Variants in ABCA13 observed in about 807,000 individuals in gnomAD.
ABCA13 encodes ATP binding cassette subfamily A member 13, also known as ATP-binding cassette sub-family A member 13.
Under a neutral mutation model 478.7 loss-of-function variants are expected in ABCA13, and 476 were observed. That is an observed-to-expected ratio of 0.99 (90% confidence interval 0.92 to 1.07). The LOEUF (loss-of-function observed/expected upper bound fraction) is 1.07, where lower values mean the gene tolerates loss of function less well. Among genes scored for constraint, ABCA13 ranks in the 50% least tolerant of loss-of-function variants. The pLI, the probability that ABCA13 is intolerant of heterozygous loss-of-function variation, is 0.00. For synonymous variants in ABCA13, 2,252 were observed against 2,158.9 expected, an observed-to-expected ratio of 1.04 and a Z score of -1.20; for missense variants, 6,060 against 5,910.6, an observed-to-expected ratio of 1.03 and a Z score of -0.83.
At chr7:48,270,311 T>G (rs1297694896) in intron 16 of ABCA13, among the ~76,000 whole-genome samples, 1 of 152,200 alleles carries the variant, frequency 6.6e-6, no homozygotes, top group African/African-American at 2.4e-5. Flanking sequence ...AAAAGGCTGT[T>G]GTAGGAATGA....
At position 48,629,158 on chromosome 7, in the gene ABCA13, T is replaced by C. The variant is rs571509320; in HGVS notation, c.14837+13781T>C. ...TCAGTCCTAATTGCTGCCATGGCCTTGGCAATATTGTGCTGTCACCTTCTC... is the reference window on the plus strand; with the variant it reads ...TCAGTCCTAATTGCTGCCATGGCCTCGGCAATATTGTGCTGTCACCTTCTC... On this transcript the variant is annotated intron_variant, in intron 59 of 61. Coordinates refer to ENST00000435803, the MANE Select transcript of ABCA13 (RefSeq NM_152701.5). Among the ~76,000 whole-genome samples the C allele has an allele frequency of 3.3e-5, 5 of 152,314 alleles. No homozygotes were observed. In the South Asian group the frequency reaches 1.0e-3, roughly 32 times the overall value.
intron 55 of ABCA13, among the ~76,000 whole-genome samples, chr7:48,564,785 AT>A (rs1241972785): frequency 2.6e-5 from 4 of 152,124 alleles, no homozygotes; most frequent in Non-Finnish European, 5.9e-5. Context: ...TGCATTTAAA[AT>A]TTTTGAATCT....
intron 42 of ABCA13, among the ~76,000 whole-genome samples, chr7:48,438,071 G>T (rs948841896): frequency 6.6e-6 from 1 of 151,998 alleles, no homozygotes. Flanking sequence ...TCCAATCTTA[G>T]ATCTAAACTA....
At chr7:48,479,125 T>G (rs955480492) in intron 45 of ABCA13, among the ~76,000 whole-genome samples, 1 of 151,754 alleles carries the variant, frequency 6.6e-6, no homozygotes, top group African/African-American at 2.4e-5. Context: ...TTTTTTTTTG[T>G]ATTTTTAGTA....
chr7:48,455,347 A>G (rs1825548442), intron 43 of ABCA13, 61 bp downstream of exon 43: 2 of 1,521,442 alleles, frequency 1.3e-6, no homozygotes, highest in Admixed American at 2.0e-5. Flanking sequence ...GAATTGCAAT[A>G]GCTTCGATAC....
intron 46 of ABCA13, 56 bp from the exon 47 acceptor site, chr7:48,483,020 T>C (rs1219256432): frequency 6.9e-7 from 1 of 1,448,574 alleles, no homozygotes; most frequent in Non-Finnish European, 9.5e-7. Context: ...TACCCTCTGA[T>C]TAGAAGTCCT....
intron 32 of ABCA13, among the ~76,000 whole-genome samples, chr7:48,369,298 T>TATATATTA (rs1340645109): frequency 6.6e-6 from 1 of 152,100 alleles, no homozygotes; most frequent in East Asian, 1.9e-4. Context: ...AGTCATTTGC[T>TATATATTA]GGATATATAG....
chr7:48,221,546 C>G (rs1787365123), intron 5 of ABCA13, among the ~76,000 whole-genome samples: 1 of 152,192 alleles, frequency 6.6e-6, no homozygotes, highest in South Asian at 2.1e-4. Flanking sequence ...CTGAGGCCAG[C>G]AGGTGGTGGG....
Position 48,245,927 on chromosome 7 carries a change from C to T in ABCA13, c.1556C>T (p.Pro519Leu). 6.2e-7 allele frequency: 1 copy of T among 1,613,558 alleles called. No homozygotes were observed. Among genetic ancestry groups the T allele is most frequent in the African/African-American group, 1.3e-5 (1 of 74,972 alleles). Residue 519 changes from proline to leucine, a missense_variant, in exon 13 of 62, where the codon CCT becomes CTT. Physicochemically the swap from Pro to Leu is moderately conservative, Grantham distance 98 (BLOSUM62 -3). Coordinates refer to ENST00000435803, the MANE Select transcript of ABCA13 (RefSeq NM_152701.5). ...RFSEKEVFLP[P>L]GNSSIWGGLQ... ...TCTGAGAAGGAGGTCTTTTTGCCGC[C>T]TGGAAACTCCAGCATATGGGGTGGT...
chr7:48,637,392 A>AAAAAAAAAAAAAAAAAAT (rs1269692474), intron 59 of ABCA13, among the ~76,000 whole-genome samples: 3 of 147,756 alleles, frequency 2.0e-5, no homozygotes, highest in South Asian at 4.3e-4. Context: ...AAAAAAAAAA[A>AAAAAAAAAAAAAAAAAAT]AAAAAAAAAA....
rs1287717803 is a variant in ABCA13, at chr7:48,511,144, G to A, written c.13585G>A (p.Ala4529Thr). 6.2e-7 allele frequency: 1 copy of A among 1,613,486 alleles called. No homozygotes were observed. Among genetic ancestry groups the A allele is most frequent in the African/African-American group, 1.3e-5 (1 of 74,882 alleles). Residue 4529 changes from alanine (A) to threonine (T), a missense_variant, in exon 51 of 62, where the codon GCT (alanine) becomes ACT (threonine). By Grantham distance (58) the Ala-to-Thr change is moderately conservative. This residue lies in a region of ABCA13 where 1,627 missense variants were observed against 1,571.0 expected (regional missense o/e 1.04). Transcript: ENST00000435803. ...CGTTATTGTCGCCTTCCAGTTAACA[G>A]CTTTTACTTTCCGCAAGAACTTGGC... The part of the protein sequence containing the change: ...VAVIVAFQLT[A>T]FTFRKNLAAT...
At chr7:48,410,487 C>T (rs1269545521) in intron 39 of ABCA13, 33 bp from the exon 40 acceptor site, 4 of 1,613,712 alleles carry the variant, frequency 2.5e-6, no homozygotes, top group African/African-American at 2.7e-5. Flanking sequence ...CCTTTGTCCT[C>T]CTGGTGCTGA....
At chr7:48,263,825 A>G (rs1794516750) in intron 15 of ABCA13, among the ~76,000 whole-genome samples, 1 of 151,922 alleles carries the variant, frequency 6.6e-6, no homozygotes, top group Admixed American at 6.6e-5. Context: ...ATATTTTCAT[A>G]CAGGCATGCA....
chr7:48,591,072 T>C lies in ABCA13; in HGVS notation c.14641-3638T>C, dbSNP rs965394206. Among the ~76,000 whole-genome samples, 8 of 147,846 alleles carry C rather than the reference T, an allele frequency of 5.4e-5. No homozygotes were observed. In the East Asian group the frequency reaches 1.2e-3, roughly 22 times the overall value. ...ATTGCCAAGACCAATGTCAAGGAGC[T>C]CTTCTTTTTTTTTTTCTACAAGTTT... On this transcript the variant is annotated intron_variant, in intron 57 of 61. Coordinates refer to ENST00000435803, the MANE Select transcript of ABCA13 (RefSeq NM_152701.5).
Position 48,467,035 on chromosome 7 carries a change from A to T in ABCA13, c.12895A>T (p.Asn4299Tyr). Residue 4299 changes from asparagine (N) to tyrosine (Y), a missense_variant, in exon 44 of 62, where the codon AAC becomes TAC. Around this residue, in one of 3 missense-constraint regions of ABCA13, gnomAD observed 1,627 missense variants for 1,571.0 expected, o/e 1.04. Coordinates refer to ENST00000435803, the MANE Select transcript of ABCA13 (RefSeq NM_152701.5). ...TCAAGATTTGCCCTGTGCAGATTTA[A>T]ACCCACGCCAGTAAGTGTCAGGTGC... ...RDQDLPCADL[N>Y]PRQKNSSCWR... The T allele has an allele frequency of 6.2e-7, 1 of 1,613,998 alleles. No individual in the cohort carries two copies. Among genetic ancestry groups the T allele is most frequent in the Non-Finnish European group, 8.5e-7 (1 of 1,179,878 alleles).
chr7:48,523,078 T>G (rs1832664789), intron 53 of ABCA13, among the ~76,000 whole-genome samples: 1 of 152,228 alleles, frequency 6.6e-6, no homozygotes, highest in African/African-American at 2.4e-5. Context: ...AACTGAATAC[T>G]GCCAACACTT....
chr7:48,640,192 T>C (rs1025667808), intron 59 of ABCA13, among the ~76,000 whole-genome samples: 2 of 152,190 alleles, frequency 1.3e-5, no homozygotes, highest in African/African-American at 4.8e-5. Context: ...CTGAAATCAA[T>C]GTATTTGTTA....
chr7:48,406,812 G>T (rs1417311206), intron 39 of ABCA13, among the ~76,000 whole-genome samples: 1 of 152,166 alleles, frequency 6.6e-6, no homozygotes, highest in Non-Finnish European at 1.5e-5. Context: ...GGCAGAGGTT[G>T]CAGTGAGTTG....
chr7:48,429,898 C>T (rs925554842), intron 42 of ABCA13, among the ~76,000 whole-genome samples: 1 of 152,102 alleles, frequency 6.6e-6, no homozygotes, highest in African/African-American at 2.4e-5. Context: ...ATTCCTGGGA[C>T]AAATTCTACC....
Sources: allele counts gnomAD v4.1 joint callset (sites outside exome capture counted in the v4.1 genomes callset), GRCh38; gene constraint gnomAD v4.1.1; regional missense constraint gnomAD v4.1.1; transcripts MANE v1.5; gene names NCBI Gene and HGNC (gene_info 2026-07-23, HGNC 2026-07-21).